BBOF1: variants seen among roughly 807,000 people sequenced by gnomAD.
The protein encoded by BBOF1 is basal body-orientation factor 1.
BBOF1 carries 62 observed loss-of-function variants against 68.0 expected under a neutral mutation model. That is an observed-to-expected ratio of 0.91 (90% confidence interval 0.74 to 1.13). The LOEUF is 1.13. Among genes scored for constraint, BBOF1 ranks in the 50% most tolerant of loss-of-function variants. BBOF1 has a pLI of 0.00. For missense variants in BBOF1, 534 were observed against 600.1 expected, an observed-to-expected ratio of 0.89 and a Z score of 1.15; for synonymous variants, 208 against 198.8, an observed-to-expected ratio of 1.05 and a Z score of -0.39.
At chr14:74,027,899 AG>A (rs1411716857) in intron 2 of BBOF1, among the ~76,000 whole-genome samples, 1 of 152,212 alleles carries the variant, frequency 6.6e-6, no homozygotes, top group East Asian at 1.9e-4. Context: ...CGCATGATCA[AG>A]GGTTGTATTG....
rs1394745184 is a variant in BBOF1, at chr14:74,047,965, A to G, written c.683A>G (p.Glu228Gly). 2 of 1,610,796 alleles carry G rather than the reference A, an allele frequency of 1.2e-6. No individual in the cohort carries two copies. The highest frequency in any genetic ancestry group is 2.7e-5 in the African/African-American group (2 of 74,790). The part of the protein sequence containing the change: ...LNDAGRNVFK[E>G]NDYLQKALAY... ...GATGCTGGAAGAAATGTTTTTAAAGAGAATGATTATCTTCAGAAAGCTCTG... is the reference window on the plus strand; with the variant it reads ...GATGCTGGAAGAAATGTTTTTAAAGGGAATGATTATCTTCAGAAAGCTCTG... Residue 228 changes from glutamate (E) to glycine (G), a missense_variant, in exon 7 of 12, where the codon GAG (glutamate) becomes GGG (glycine). Glu to Gly is a moderately conservative substitution (Grantham distance 98). Transcript: ENST00000394009.
rs1335259503 is a variant in BBOF1, at chr14:74,064,313, AAT to A, written c.1579-373_1579-372del. On this transcript the variant is annotated intron_variant, in intron 11 of 11. Coordinates refer to ENST00000394009, the MANE Select transcript of BBOF1 (RefSeq NM_025057.3). Reference sequence around the variant, plus strand: ...ACTGTGTCTCAAAAAAAAAAAAAATAATAATAATAATAGTAATAATAATGTCT... The same window carrying A: ...ACTGTGTCTCAAAAAAAAAAAAAATAAATAATAATAGTAATAATAATGTCT... Among the ~76,000 whole-genome samples the A allele has an allele frequency of 3.5e-4, 30 of 86,250 alleles. No homozygotes were observed. In the East Asian group the frequency reaches 4.5e-3, roughly 13 times the overall value. The allele number at this position is 86,250 out of a possible 152,430, so 56.6% of individuals were successfully genotyped here.
intron 2 of BBOF1, among the ~76,000 whole-genome samples, chr14:74,026,171 G>A (rs1297555788): frequency 6.0e-5 from 9 of 150,620 alleles, no homozygotes; most frequent in African/African-American, 2.2e-4. Context: ...GACTGGGGGC[G>A]GTGGCTCATG....
chr14:74,079,565 TG>T (rs1396062564), intron 10 of BBOF1, among the ~76,000 whole-genome samples: 6 of 151,918 alleles, frequency 3.9e-5, no homozygotes, highest in Non-Finnish European at 8.8e-5. Context: ...CTTGAGTAAC[TG>T]GGACTACAGG....
chr14:74,052,677 G>C (rs1178630095), intron 8 of BBOF1, among the ~76,000 whole-genome samples: 1 of 150,724 alleles, frequency 6.6e-6, no homozygotes, highest in Non-Finnish European at 1.5e-5. Flanking sequence ...CTATTTAAAT[G>C]GTAGATTGGA....
At chr14:74,027,551 A>C (rs2059463246) in intron 2 of BBOF1, among the ~76,000 whole-genome samples, 2 of 152,016 alleles carry the variant, frequency 1.3e-5, no homozygotes, top group Admixed American at 6.6e-5. Context: ...GATGAGGAGG[A>C]TAATTGCATA....
rs773646257 is a variant in BBOF1 at position 74,050,100 on chromosome 14, T to C, written c.1191T>C (p.Cys397=). ...AAFNLKMRAA[C]TGRTEYPKIR... is the part of the protein sequence containing the mutation. The stretch of plus-strand genomic sequence containing the variant: ...TCAATTTAAAAATGAGAGCAGCATG[T>C]ACAGGAAGAACAGAATATCCCAAAA... Residue 397 remains cysteine (C), a synonymous_variant, in exon 8 of 12, where the codon TGT becomes TGC. Transcript: ENST00000394009. 6.8e-6 allele frequency: 11 copies of C among 1,613,372 alleles called. No individual in the cohort carries two copies. Among genetic ancestry groups the C allele is most frequent in the Non-Finnish European group, 9.3e-6 (11 of 1,179,654 alleles).
intron 9 of BBOF1, chr14:74,071,106 G>C: frequency 8.1e-7 from 1 of 1,233,308 alleles, no homozygotes; most frequent in South Asian, 1.2e-5. Context: ...CTTACAAGTA[G>C]GTTCCTTATC....
intron 2 of BBOF1, among the ~76,000 whole-genome samples, chr14:74,024,512 C>T (rs1405659666): frequency 6.6e-6 from 1 of 152,080 alleles, no homozygotes; most frequent in Admixed American, 6.6e-5. Context: ...ATTGCCTGGT[C>T]TAGAGTGCAG....
intron 4 of BBOF1, 36 bp from the exon 5 acceptor site, chr14:74,040,529 T>G (rs2059807087): frequency 2.3e-6 from 3 of 1,317,630 alleles, no homozygotes; most frequent in Non-Finnish European, 3.1e-6. Context: ...CCATTTTCTA[T>G]TGATCATTTT....
At chr14:74,021,910 C>G (rs915227202) in intron 1 of BBOF1, among the ~76,000 whole-genome samples, 10 of 151,252 alleles carry the variant, frequency 6.6e-5, no homozygotes, top group Non-Finnish European at 1.3e-4. Flanking sequence ...CCGTCCCTCC[C>G]CCAGAAAAAA....
At chr14:74,075,048 A>G (rs1595130140) in intron 9 of BBOF1, 1 of 1,605,196 alleles carries the variant, frequency 6.2e-7, no homozygotes, top group Admixed American at 1.7e-5. Flanking sequence ...TATTTTGATA[A>G]ATGAGAGCAG....
chr14:74,019,364 T>A lies in BBOF1; in HGVS notation c.-115T>A, dbSNP rs1017696688. On this transcript the variant is annotated 5_prime_UTR_variant, in exon 1 of 12. Transcript: ENST00000394009. ...GGGCGCGTGCGCTCTCCGCGCGCCG[T>A]CAGCGGCGCGGGTGGGGCATTGCCA... is the stretch of plus-strand genomic sequence containing the variant. 1 of 1,339,922 alleles carries A rather than the reference T, an allele frequency of 7.5e-7. No individual in the cohort carries two copies. Among genetic ancestry groups the A allele is most frequent in the African/African-American group, 1.6e-5 (1 of 64,118 alleles). 83.0% of individuals were successfully genotyped at this position (1,339,922 alleles called of 1,614,324 possible).
rs544965493 is a variant in BBOF1, at chr14:74,071,140, A to G, written n.1380-7056A>G. On this transcript the variant is annotated intron_variant and non_coding_transcript_variant, in intron 9 of 12. Transcript: ENST00000492026. ...TCCTAAAACATCCAACCATCACTCAACACCTTGATTTTTTGGTAGCCAGAT... is the reference window on the plus strand; with the variant it reads ...TCCTAAAACATCCAACCATCACTCAGCACCTTGATTTTTTGGTAGCCAGAT... 13 of 1,521,842 alleles carry G rather than the reference A, an allele frequency of 8.5e-6. 1 individual carries two copies. The South Asian group carries it at 1.1e-4, about 13-fold the overall frequency. 94.3% of individuals were successfully genotyped at this position (1,521,842 alleles called of 1,614,324 possible).
Position 74,065,538 on chromosome 14 carries a change from C to T in BBOF1, c.*839C>T. 1 of 628,264 alleles carries T rather than the reference C, an allele frequency of 1.6e-6. No homozygotes were observed. Among genetic ancestry groups the T allele is most frequent in the Non-Finnish European group, 2.8e-6 (1 of 361,116 alleles). The allele number at this position is 628,264 out of a possible 1,614,324, so 38.9% of individuals were successfully genotyped here. On this transcript the variant is annotated 3_prime_UTR_variant, in exon 12 of 12. Transcript: ENST00000394009. The stretch of plus-strand genomic sequence containing the variant: ...AAGTCCTCTCTCAAGTGTATTCCGT[C>T]TTCCAAGTTACCAATCATATAAACA...
At chr14:74,025,911 G>T (rs1477932731) in intron 2 of BBOF1, among the ~76,000 whole-genome samples, 2 of 151,066 alleles carry the variant, frequency 1.3e-5, no homozygotes, top group Admixed American at 1.3e-4. Flanking sequence ...GGGGTGGGGG[G>T]GGTGCATCAC....
intron 9 of BBOF1, 112 bp from the exon 10 acceptor site, chr14:74,056,794 T>C: frequency 1.4e-6 from 1 of 699,702 alleles, no homozygotes; most frequent in East Asian, 2.8e-5. Flanking sequence ...GTATACCTAC[T>C]ATCACCCACA....
At chr14:74,078,796 T>G (rs10150622) in intron 10 of BBOF1, among the ~76,000 whole-genome samples, 3,070 of 151,922 alleles carry the variant, frequency 0.02, 140 homozygotes, top group African/African-American at 0.056. Flanking sequence ...CCCAAAGTGC[T>G]GGGATTACAG....
At chr14:74,027,516 G>A (rs1215569833) in intron 2 of BBOF1, among the ~76,000 whole-genome samples, 1 of 149,444 alleles carries the variant, frequency 6.7e-6, no homozygotes, top group African/African-American at 2.5e-5. Context: ...ATCAATGGAT[G>A]CTAAAACCTA....
Sources: allele counts gnomAD v4.1 joint callset (sites outside exome capture counted in the v4.1 genomes callset), GRCh38; gene constraint gnomAD v4.1.1; transcripts MANE v1.5; gene names NCBI Gene and HGNC (gene_info 2026-07-23, HGNC 2026-07-21).